The following UTP4 variants were observed in gnomAD, a reference collection of about 807,000 sequenced individuals.
UTP4 encodes UTP4 small subunit processome component, also known as U3 small nucleolar RNA-associated protein 4 homolog.
UTP4 carries 45 observed loss-of-function variants against 82.4 expected under a neutral mutation model. That is an observed-to-expected ratio of 0.55 (90% CI 0.43 to 0.70). The LOEUF (loss-of-function observed/expected upper bound fraction) is 0.70, where lower values mean the gene tolerates loss of function less well. UTP4 is among the 30% of genes least tolerant of loss of function. UTP4 has a pLI of 0.00. For missense variants in UTP4, 819 were observed against 858.3 expected (o/e 0.95, Z 0.57); for synonymous variants, 348 against 300.3 (o/e 1.16, Z -1.64).
Position 69,154,254 on chromosome 16 carries a change from A to G in UTP4, c.1100-139A>G, listed in dbSNP as rs918984095. 1.3e-5 allele frequency: 9 copies of G among 682,156 alleles called. No individual in the cohort carries two copies. The African/African-American group carries it at 1.6e-4, about 12-fold the overall frequency. The allele number at this position is 682,156 out of a possible 1,614,324, so 42.3% of individuals were successfully genotyped here. ...CTTCATATACCCCTCAAAAATTGTG[A>G]GCTTACTCAGTGAGCTTGTATTTTT... On this transcript the variant is annotated intron_variant, in intron 9 of 16. Coordinates refer to ENST00000314423, the MANE Select transcript of UTP4 (RefSeq NM_032830.3).
intron 6 of UTP4, among the ~76,000 whole-genome samples, chr16:69,146,634 G>C (rs991227677): frequency 6.6e-6 from 1 of 152,282 alleles, no homozygotes; most frequent in African/African-American, 2.4e-5. Flanking sequence ...ACCAAGGCGG[G>C]TGGATCAGTT....
Position 69,143,219 on chromosome 16 carries a change from G to A in UTP4, c.568G>A (p.Gly190Ser). ...GATGATTGTGGACAGGCAGTATATG[G>A]GCGTGTCTAAGCGGAAGTGCATCGT... ...HKMIVDRQYMGVSKRKCIVWG... is the reference protein window; with the variant it reads ...HKMIVDRQYMSVSKRKCIVWG... The change falls in exon 6 of 17, where the codon GGC (glycine) becomes AGC (serine). Residue 190 changes from glycine (G) to serine (S), a missense_variant. By Grantham distance (56) the Gly-to-Ser change is moderately conservative. Coordinates refer to ENST00000314423, the MANE Select transcript of UTP4 (RefSeq NM_032830.3). 1 of 1,614,220 alleles carries A rather than the reference G, an allele frequency of 6.2e-7. No individual in the cohort carries two copies. The highest frequency in any genetic ancestry group is 2.2e-5 in the East Asian group (1 of 44,890).
At chr16:69,142,668 C>T (rs1293724609) in intron 5 of UTP4, among the ~76,000 whole-genome samples, 4 of 152,216 alleles carry the variant, frequency 2.6e-5, no homozygotes, top group African/African-American at 9.6e-5. Flanking sequence ...TCTGCTAAGT[C>T]AGTGCCACTA....
intron 8 of UTP4, among the ~76,000 whole-genome samples, chr16:69,151,306 T>G (rs1397892189): frequency 1.4e-5 from 2 of 146,264 alleles, no homozygotes; most frequent in Admixed American, 1.4e-4. Context: ...CACGCTCAGC[T>G]TTGTGGTCCT....
intron 4 of UTP4, 128 bp from the exon 5 acceptor site, chr16:69,139,697 A>T (rs1962907922): frequency 2.1e-6 from 1 of 473,480 alleles, no homozygotes; most frequent in Non-Finnish European, 3.9e-6. Context: ...ATGGTGCTTC[A>T]AGGAGTACTA....
At chr16:69,168,574 G>T (rs1963760834) in intron 16 of UTP4, among the ~76,000 whole-genome samples, 1 of 151,846 alleles carries the variant, frequency 6.6e-6, no homozygotes, top group Admixed American at 6.6e-5. Context: ...CGTTGATCAT[G>T]TCTATGAATG....
intron 14 of UTP4, among the ~76,000 whole-genome samples, chr16:69,164,586 T>TTATATATATATATATATATA (rs58927210): frequency 1.4e-4 from 18 of 132,504 alleles, no homozygotes; most frequent in African/African-American, 5.0e-4. Context: ...TAATCATTCT[T>TTATATATATATATATATATA]TATATATATA....
rs963500314 is a variant in UTP4 at position 69,160,094 on chromosome 16, T to C, written c.1445-262T>C. 4.7e-4 allele frequency among the ~76,000 whole-genome samples: 72 copies of C among 152,194 alleles called. 1 individual carries two copies. Among genetic ancestry groups the C allele is most frequent in the African/African-American group, 1.6e-3 (67 of 41,450 alleles). ...ATGCTGCCGTCATTCTCTATTCCTG[T>C]AGTAAGCAGTGTCTTAGGCCTGAGG... On this transcript the variant is annotated intron_variant, in intron 12 of 16. Transcript: ENST00000314423.
At chr16:69,160,509 C>A in intron 13 of UTP4, 47 bp downstream of exon 13, 1 of 1,329,004 alleles carries the variant, frequency 7.5e-7, no homozygotes, top group Non-Finnish European at 1.1e-6. Context: ...TGTACAGGAG[C>A]CAGTTCACCC....
At chr16:69,143,005 A>G (rs1361303534) in intron 5 of UTP4, among the ~76,000 whole-genome samples, 173 bp from the exon 6 acceptor site, 1 of 152,058 alleles carries the variant, frequency 6.6e-6, no homozygotes, top group Non-Finnish European at 1.5e-5. Context: ...CTACCATATC[A>G]TGCTTACCGC....
chr16:69,135,099 GTGTT>G (rs992991654), intron 2 of UTP4, among the ~76,000 whole-genome samples: 4 of 149,156 alleles, frequency 2.7e-5, no homozygotes, highest in Non-Finnish European at 5.9e-5. Context: ...TATAATTTGT[GTGTT>G]TGTTTAATGT....
intron 2 of UTP4, among the ~76,000 whole-genome samples, chr16:69,134,799 C>A (rs1406422348): frequency 6.7e-6 from 1 of 149,492 alleles, no homozygotes; most frequent in Non-Finnish European, 1.5e-5. Flanking sequence ...GCCTCCCTCT[C>A]CTGCCTCAGC....
At position 69,150,858 on chromosome 16, in the gene UTP4, A is replaced by C. The variant is rs1246914976; in HGVS notation, c.956A>C (p.Glu319Ala). ...LVFRPLMEKV[E>A]VKNYDAALRK... ...TTTCGTCCTCTCATGGAGAAGGTGG[A>C]AGTAAAGAATTACGATGCCGCTCTC... The change falls in exon 8 of 17, where the codon GAA becomes GCA. Residue 319 changes from glutamate (E) to alanine (A), a missense_variant. Coordinates refer to ENST00000314423, the MANE Select transcript of UTP4 (RefSeq NM_032830.3). 2 of 1,614,058 alleles carry C rather than the reference A, an allele frequency of 1.2e-6. No homozygotes were observed. Among genetic ancestry groups the C allele is most frequent in the East Asian group, 4.5e-5 (2 of 44,890 alleles).
chr16:69,141,802 A>G (rs910230612), intron 5 of UTP4, among the ~76,000 whole-genome samples: 11 of 150,896 alleles, frequency 7.3e-5, no homozygotes, highest in African/African-American at 2.4e-4. Flanking sequence ...ATGTTTCATT[A>G]TACAGAAACT....
intron 4 of UTP4, 141 bp from the exon 5 acceptor site, chr16:69,139,679 TAAATA>T (rs1251955749): frequency 3.2e-5 from 10 of 316,810 alleles, no homozygotes; most frequent in Non-Finnish European, 5.2e-5. Context: ...AATAAATAAA[TAAATA>T]AAATGGTGCT....
chr16:69,147,001 CAAAA>C (rs71148965), intron 6 of UTP4, among the ~76,000 whole-genome samples: 1 of 85,788 alleles, frequency 1.2e-5, no homozygotes, highest in Admixed American at 1.4e-4. Context: ...GACTCTGCCT[CAAAA>C]AAAAAAAAAA....
At chr16:69,137,351 A>G (rs1443939561) in intron 3 of UTP4, among the ~76,000 whole-genome samples, 2 of 152,170 alleles carry the variant, frequency 1.3e-5, no homozygotes, top group Non-Finnish European at 2.9e-5. Flanking sequence ...CCCTTCCCAT[A>G]ATTACCATTA....
intron 10 of UTP4, 24 bp downstream of exon 10, chr16:69,154,481 G>A: frequency 2.6e-6 from 4 of 1,535,410 alleles, no homozygotes; most frequent in Non-Finnish European, 1.8e-6. Context: ...TTTAGGCTCT[G>A]AATTCTAGAG....
chr16:69,165,553 ATCT>A (rs752142917), intron 15 of UTP4, 27 bp downstream of exon 15: 12 of 1,590,100 alleles, frequency 7.5e-6, no homozygotes, highest in African/African-American at 2.7e-5. Context: ...TACCTCCCAA[ATCT>A]TCTTCTGAAT....
Sources: allele counts gnomAD v4.1 joint callset (sites outside exome capture counted in the v4.1 genomes callset), GRCh38; gene constraint gnomAD v4.1.1; transcripts MANE v1.5; gene names NCBI Gene and HGNC (gene_info 2026-07-23, HGNC 2026-07-21).